Variants in CDC25C observed in about 807,000 individuals in gnomAD.
The protein encoded by CDC25C is M-phase inducer phosphatase 3.
CDC25C carries 48 observed loss-of-function variants against 52.5 expected under a neutral mutation model. That is an observed-to-expected ratio of 0.91 (90% confidence interval 0.72 to 1.16). CDC25C has a LOEUF of 1.16. Ranked by LOEUF, CDC25C falls within the 50% of genes most tolerant of loss-of-function variation. CDC25C has a pLI of 0.00. For synonymous variants in CDC25C, 187 were observed against 206.5 expected (o/e 0.91, Z 0.81); for missense variants, 510 against 566.1 (o/e 0.90, Z 1.01).
intron 7 of CDC25C, among the ~76,000 whole-genome samples, chr5:138,313,334 C>T (rs947927980): frequency 1.4e-5 from 2 of 145,786 alleles, no homozygotes; most frequent in African/African-American, 5.1e-5. Context: ...GACAAAATTG[C>T]GCCACTGCAC....
At chr5:138,322,533 T>A (rs1004921237) in intron 6 of CDC25C, among the ~76,000 whole-genome samples, 2 of 134,012 alleles carry the variant, frequency 1.5e-5, no homozygotes, top group African/African-American at 5.5e-5. Flanking sequence ...TGGAGTACAG[T>A]GGCACGATCT....
rs1435934859 is a variant in CDC25C, at chr5:138,291,779, ATT to A, written c.762+189_762+190del. ...CTTTATGTATCTATGTTATATAAATATTTTATATATATATATATATTTCACGT... is the reference window on the plus strand; with the variant it reads ...CTTTATGTATCTATGTTATATAAATATTATATATATATATATATTTCACGT... On this transcript the variant is annotated intron_variant, in intron 8 of 13. Transcript: ENST00000323760. 2.8e-5 allele frequency among the ~76,000 whole-genome samples: 4 copies of A among 142,656 alleles called. No individual in the cohort carries two copies. The East Asian group carries it at 6.4e-4, about 23-fold the overall frequency. The allele number at this position is 142,656 out of a possible 152,430, so 93.6% of individuals were successfully genotyped here. A position where few individuals can be genotyped will look rare whatever the true frequency, so the allele number is the denominator to read the frequency against.
intron 7 of CDC25C, among the ~76,000 whole-genome samples, chr5:138,293,914 TG>T (rs1481429921): frequency 1.3e-5 from 2 of 152,182 alleles, no homozygotes; most frequent in African/African-American, 4.8e-5. Flanking sequence ...ACCAAAGTGC[TG>T]GGTTTACAGG....
intron 12 of CDC25C, 56 bp downstream of exon 12, chr5:138,286,441 G>C: frequency 6.4e-7 from 1 of 1,552,096 alleles, no homozygotes; most frequent in Non-Finnish European, 8.8e-7. Context: ...ACTGGTGTGG[G>C]AAGTCCAACT....
Position 138,286,761 on chromosome 5 carries a change from G to A in CDC25C, c.1027-131C>T. 3.9e-6 allele frequency: 3 copies of A among 760,328 alleles called. 1 individual carries two copies. The South Asian group carries it at 5.8e-5, about 15-fold the overall frequency. 47.1% of individuals were successfully genotyped at this position (760,328 alleles called of 1,614,324 possible). Reference sequence around the variant, plus strand: ...CTGGACTATAAGCACCTTTAGGGCAGGGGTCTAAGTATATCTCTGTATATA... The same window carrying A: ...CTGGACTATAAGCACCTTTAGGGCAAGGGTCTAAGTATATCTCTGTATATA... On this transcript the variant is annotated intron_variant, in intron 11 of 13. Coordinates refer to ENST00000323760, the MANE Select transcript of CDC25C (RefSeq NM_001790.5).
At chr5:138,327,057 C>T (rs1759939049) in intron 4 of CDC25C, among the ~76,000 whole-genome samples, 1 of 150,434 alleles carries the variant, frequency 6.6e-6, no homozygotes, top group African/African-American at 2.5e-5. Context: ...GAGATAGAGA[C>T]CGTCCTGGCC....
intron 13 of CDC25C, 84 bp from the exon 14 acceptor site, chr5:138,285,925 G>T: frequency 6.4e-7 from 1 of 1,550,542 alleles, no homozygotes; most frequent in Admixed American, 1.7e-5. Context: ...GCTGCTGGCA[G>T]TGGCTAAGGA....
chr5:138,318,052 G>A lies in CDC25C; in HGVS notation c.615+1167C>T, dbSNP rs527874539. Among the ~76,000 whole-genome samples, 5 of 152,334 alleles carry A rather than the reference G, an allele frequency of 3.3e-5. No homozygotes were observed. In the South Asian group the frequency reaches 1.0e-3, roughly 32 times the overall value. On this transcript the variant is annotated intron_variant, in intron 7 of 13. Coordinates refer to ENST00000323760, the MANE Select transcript of CDC25C (RefSeq NM_001790.5). ...TACAGTCTAAAGATAGGTTACGCCA[G>A]GCGTGGTGGCTCATGCCTGTAATCC... is the stretch of plus-strand genomic sequence containing the variant.
chr5:138,298,163 ATTTT>A (rs34763291), intron 7 of CDC25C, among the ~76,000 whole-genome samples: 1 of 131,610 alleles, frequency 7.6e-6, no homozygotes, highest in Non-Finnish European at 1.6e-5. Context: ...CACACCTTGC[ATTTT>A]TTTTTTTTTT....
intron 6 of CDC25C, among the ~76,000 whole-genome samples, chr5:138,321,959 G>T (rs915727056): frequency 6.6e-6 from 1 of 151,664 alleles, no homozygotes; most frequent in African/African-American, 2.4e-5. Flanking sequence ...GAGAAATTAC[G>T]CATGGATAAT....
chr5:138,337,263 C>T (rs1760767256), intron 1 of CDC25C: 1 of 152,412 alleles, frequency 6.6e-6, no homozygotes, highest in Admixed American at 6.6e-5. Flanking sequence ...CACACACTAA[C>T]GTCTACATTC....
chr5:138,313,995 C>CTTTCTTTCTTTCTTTTTCT (rs1554117939), intron 7 of CDC25C, among the ~76,000 whole-genome samples: 1 of 112,676 alleles, frequency 8.9e-6, no homozygotes, highest in Non-Finnish European at 1.8e-5. Flanking sequence ...TTCTTTCTTT[C>CTTTCTTTCTTTCTTTTTCT]TTTTTTTTTT....
At position 138,331,656 on chromosome 5, in the gene CDC25C, A is replaced by C. The variant is rs1042124; in HGVS notation, c.-100T>G. 174,541 of 998,302 alleles carry C rather than the reference A, an allele frequency of 0.17. 16,435 individuals are homozygous for C. The highest frequency in any genetic ancestry group is 0.24 in the South Asian group (5,556 of 23,124). The allele number at this position is 998,302 out of a possible 1,614,324, so 61.8% of individuals were successfully genotyped here. A position where few individuals can be genotyped will look rare whatever the true frequency, so the allele number is the denominator to read the frequency against. On this transcript the variant is annotated 5_prime_UTR_variant, in exon 1 of 14. Transcript: ENST00000323760. ...GAGAAAGTAGATAGGGATCGGACACAGGCGAAGACTTGAGCAGAATGAAAG... is the reference window on the plus strand; with the variant it reads ...GAGAAAGTAGATAGGGATCGGACACCGGCGAAGACTTGAGCAGAATGAAAG...
chr5:138,315,170 G>A (rs1758783283), intron 7 of CDC25C, among the ~76,000 whole-genome samples: 3 of 150,884 alleles, frequency 2.0e-5, no homozygotes, highest in Non-Finnish European at 3.0e-5. Context: ...CTGACCACCC[G>A]CTTCGGCCTC....
At chr5:138,286,164 G>A (rs1377450348) in intron 12 of CDC25C, 31 bp from the exon 13 acceptor site, 1 of 1,536,856 alleles carries the variant, frequency 6.5e-7, no homozygotes, top group Non-Finnish European at 9.0e-7. Flanking sequence ...TGGGTGGGGT[G>A]GAAAGAAACA....
At chr5:138,337,750 G>T (rs1252472567) in intron 1 of CDC25C, 3 of 351,832 alleles carry the variant, frequency 8.5e-6, no homozygotes, top group African/African-American at 6.5e-5. Flanking sequence ...ATCCGCGCTT[G>T]GACCACACTT....
At chr5:138,325,387 G>A (rs533749667) in intron 6 of CDC25C, among the ~76,000 whole-genome samples, 2 of 152,194 alleles carry the variant, frequency 1.3e-5, no homozygotes, top group African/African-American at 4.8e-5. Flanking sequence ...GGCCTCCTCG[G>A]AATAAGGGCT....
In CDC25C at chr5:138,325,754, C is replaced by T. The variant is rs544456961; in HGVS notation, c.459+61G>A. The T allele has an allele frequency of 4.0e-5, 46 of 1,160,024 alleles. No individual in the cohort carries two copies. In the African/African-American group the frequency reaches 6.8e-4, roughly 17 times the overall value. The allele number at this position is 1,160,024 out of a possible 1,614,324, so 71.9% of individuals were successfully genotyped here. On this transcript the variant is annotated intron_variant, in intron 6 of 13. Coordinates refer to ENST00000323760, the MANE Select transcript of CDC25C (RefSeq NM_001790.5). ...ACAGTTCTATGTCTCATTATGATACCAAGTTTCTTCACTCAAAAAATAAAA... is the reference window on the plus strand; with the variant it reads ...ACAGTTCTATGTCTCATTATGATACTAAGTTTCTTCACTCAAAAAATAAAA...
At position 138,307,759 on chromosome 5, in the gene CDC25C, T is replaced by C. The variant is rs921096607; in HGVS notation, c.615+11460A>G. Among the ~76,000 whole-genome samples the C allele has an allele frequency of 3.3e-5, 5 of 152,088 alleles. 1 individual carries two copies. The highest frequency in any genetic ancestry group is 6.6e-5 in the Admixed American group (1 of 15,250). On this transcript the variant is annotated intron_variant, in intron 7 of 13. Transcript: ENST00000323760. ...TGGACAATATAGAAGACCCTGTCTC[T>C]TAAAACAAAAATCAAATAAATACTC...
Sources: allele counts gnomAD v4.1 joint callset (sites outside exome capture counted in the v4.1 genomes callset), GRCh38; gene constraint gnomAD v4.1.1; transcripts MANE v1.5; gene names NCBI Gene and HGNC (gene_info 2026-07-23, HGNC 2026-07-21).